Variants in IL1RAPL2 observed in about 807,000 individuals in gnomAD.
IL1RAPL2 encodes interleukin 1 receptor accessory protein like 2.
A neutral mutation model predicts 44.1 loss-of-function variants in IL1RAPL2; 3 were observed. The observed-to-expected ratio is 0.07, with a 90% confidence interval of 0.03 to 0.18. IL1RAPL2 has a LOEUF of 0.18. Ranked by LOEUF, IL1RAPL2 falls within the 10% of genes least tolerant of loss-of-function variation. IL1RAPL2 has a pLI of 1.00. For synonymous variants in IL1RAPL2, 181 were observed against 178.8 expected, an observed-to-expected ratio of 1.01 and a Z score of -0.10; for missense variants, 391 against 496.4, an observed-to-expected ratio of 0.79 and a Z score of 2.02.
chrX:105,198,769 T>C (rs1413701423), intron 3 of IL1RAPL2, among the ~76,000 whole-genome samples: 3 of 111,733 alleles, frequency 2.7e-5, no homozygotes, highest in African/African-American at 9.8e-5. Context: ...TGAGGTGTAC[T>C]GGTCAGATAG....
chrX:105,628,942 C>A (rs868106080), intron 6 of IL1RAPL2, among the ~76,000 whole-genome samples: 27 of 92,854 alleles, frequency 2.9e-4, no homozygotes, highest in African/African-American at 2.4e-4. Flanking sequence ...GACTTCATCT[C>A]AAAAAAAAAA....
chrX:105,643,906 T>G (rs953995540), intron 6 of IL1RAPL2, among the ~76,000 whole-genome samples: 2 of 111,584 alleles, frequency 1.8e-5, no homozygotes, highest in African/African-American at 6.5e-5. Context: ...CTTTCTTTAT[T>G]TTTGAGACAG....
chrX:104,768,676 C>G (rs1478138882), intron 2 of IL1RAPL2, among the ~76,000 whole-genome samples: 1 of 111,187 alleles, frequency 9.0e-6, no homozygotes, highest in Non-Finnish European at 1.9e-5. Context: ...TTGAGCAAAA[C>G]AGACCCTTAC....
chrX:105,031,164 A>C (rs2031485757), intron 2 of IL1RAPL2, among the ~76,000 whole-genome samples: 1 of 110,318 alleles, frequency 9.1e-6, no homozygotes, highest in Admixed American at 9.8e-5. Flanking sequence ...GGGGTTTTCT[A>C]GATATACAAT....
At chrX:104,839,049 A>C (rs753600421) in intron 2 of IL1RAPL2, among the ~76,000 whole-genome samples, 2 of 107,200 alleles carry the variant, frequency 1.9e-5, no homozygotes, top group Admixed American at 1.0e-4. Flanking sequence ...GGCTTTCATC[A>C]TCTTGGCCAG....
intron 5 of IL1RAPL2, among the ~76,000 whole-genome samples, chrX:105,339,773 T>C (rs1158175375): frequency 9.0e-6 from 1 of 111,283 alleles, no homozygotes; most frequent in African/African-American, 3.3e-5. Context: ...ACAATATACA[T>C]AGAACGAAAG....
At chrX:105,466,240 C>CT (rs200856453) in intron 5 of IL1RAPL2, among the ~76,000 whole-genome samples, 1,107 of 101,839 alleles carry the variant, frequency 0.011, 11 homozygotes, top group Middle Eastern at 0.051. Context: ...TAATTTCAAC[C>CT]TTTTTTTTTT....
intron 5 of IL1RAPL2, among the ~76,000 whole-genome samples, chrX:105,442,675 C>T (rs1363864926): frequency 8.9e-6 from 1 of 112,268 alleles, no homozygotes; most frequent in African/African-American, 3.2e-5. Flanking sequence ...ATCTTTGTAG[C>T]ATTTCATACC....
At chrX:104,756,379 C>A (rs780866223) in intron 2 of IL1RAPL2, among the ~76,000 whole-genome samples, 2 of 111,275 alleles carry the variant, frequency 1.8e-5, no homozygotes, top group Admixed American at 9.6e-5. Context: ...TGCAACACAA[C>A]AGAGAGATCT....
At chrX:104,602,204 G>A (rs915251173) in intron 1 of IL1RAPL2, among the ~76,000 whole-genome samples, 6 of 111,291 alleles carry the variant, frequency 5.4e-5, no homozygotes, top group African/African-American at 6.5e-5. Context: ...AGGGTGAGGC[G>A]TTGCCTCACC....
intron 2 of IL1RAPL2, among the ~76,000 whole-genome samples, chrX:104,931,954 G>A (rs1273555878): frequency 1.1e-5 from 1 of 93,740 alleles, no homozygotes; most frequent in Non-Finnish European, 2.1e-5. Flanking sequence ...ATGAGTGTGT[G>A]TGTGTGTGTG....
chrX:105,645,537 G>C (rs2037599476), intron 6 of IL1RAPL2, among the ~76,000 whole-genome samples: 1 of 111,978 alleles, frequency 8.9e-6, no homozygotes, highest in African/African-American at 3.2e-5. Context: ...ACAAAATAGT[G>C]TGGAGGATAA....
At chrX:105,197,218 G>T (rs2033679597) in intron 3 of IL1RAPL2, among the ~76,000 whole-genome samples, 1 of 110,182 alleles carries the variant, frequency 9.1e-6, no homozygotes, top group African/African-American at 3.3e-5. Context: ...CTCCTACTTG[G>T]GCAGCTCTTG....
chrX:105,734,764 C>T (rs2038433648), intron 7 of IL1RAPL2, among the ~76,000 whole-genome samples: 1 of 111,499 alleles, frequency 9.0e-6, no homozygotes, highest in African/African-American at 3.3e-5. Flanking sequence ...CCCTTTCCCC[C>T]TGCCAGAAGC....
At chrX:104,728,064 A>T (rs752919447) in intron 2 of IL1RAPL2, among the ~76,000 whole-genome samples, 161 of 110,896 alleles carry the variant, frequency 1.5e-3, no homozygotes, top group Non-Finnish European at 2.8e-3. Context: ...TAGTATATCC[A>T]TGTAACAAAA....
intron 2 of IL1RAPL2, among the ~76,000 whole-genome samples, chrX:104,870,255 T>G (rs1602770667): frequency 8.9e-6 from 1 of 112,305 alleles, no homozygotes; most frequent in East Asian, 2.8e-4. Flanking sequence ...AACAACTCTA[T>G]GAGGAGATTA....
intron 2 of IL1RAPL2, among the ~76,000 whole-genome samples, chrX:104,931,942 CTA>C (rs769234305): frequency 3.6e-3 from 312 of 87,881 alleles, no homozygotes; most frequent in African/African-American, 0.012. Context: ...ATGTGGGAAA[CTA>C]TGAGTGTGTG....
chrX:105,038,092 C>T (rs1374589430), intron 2 of IL1RAPL2, among the ~76,000 whole-genome samples: 1 of 111,341 alleles, frequency 9.0e-6, no homozygotes, highest in African/African-American at 3.3e-5. Flanking sequence ...CTTGATCCCC[C>T]ACTAATTGCA....
chrX:105,553,186 G>A (rs771926041), intron 6 of IL1RAPL2, among the ~76,000 whole-genome samples: 1 of 111,887 alleles, frequency 8.9e-6, no homozygotes, highest in East Asian at 2.8e-4. Flanking sequence ...TGGTTGTAAA[G>A]ATAGAAAAAA....
Sources: gnomAD v4.1 joint callset for allele counts (sites outside exome capture counted in the v4.1 genomes callset) on GRCh38, gnomAD v4.1.1 for gene constraint, MANE v1.5 for transcripts, NCBI Gene and HGNC (gene_info 2026-07-23, HGNC 2026-07-21) for gene names.